SRGAP1: variants seen among roughly 807,000 people sequenced by gnomAD.
The protein encoded by SRGAP1 is SLIT-ROBO Rho GTPase-activating protein 1.
SRGAP1 carries 43 observed loss-of-function variants against 121.9 expected under a neutral mutation model. The observed-to-expected ratio is 0.35, with a 90% CI of 0.28 to 0.46. SRGAP1 has a LOEUF of 0.46. Among genes scored for constraint, SRGAP1 ranks in the 20% least tolerant of loss-of-function variants. The pLI, the probability that SRGAP1 is intolerant of heterozygous loss-of-function variation, is 1.00. For synonymous variants in SRGAP1, 447 were observed against 485.4 expected (o/e 0.92, Z 1.04); for missense variants, 1,102 against 1,350.9 (o/e 0.82, Z 2.89).
intron 1 of SRGAP1, among the ~76,000 whole-genome samples, chr12:63,868,035 CATATATAT>C (rs1555232932): frequency 2.4e-4 from 13 of 54,820 alleles, no homozygotes; most frequent in East Asian, 1.1e-3. Context: ...ATTCTATTTC[CATATATAT>C]ATATATATAT....
chr12:64,128,157 G>A lies in SRGAP1; in HGVS notation c.2837G>A (p.Gly946Asp), dbSNP rs199691520. Residue 946 changes from glycine (G) to aspartate (D), a missense_variant, in exon 21 of 22, where the codon GGC becomes GAC. By Grantham distance (94) the Gly-to-Asp change is moderately conservative. Coordinates refer to ENST00000355086, the MANE Select transcript of SRGAP1 (RefSeq NM_020762.4). ...RRSTSSGQYTGFNDHKPLDPE... is the reference protein window; with the variant it reads ...RRSTSSGQYTDFNDHKPLDPE... ...TCCACGTCATCAGGGCAATACACGG[G>A]CTTCAATGACCACAAGCCACTGGAC... 49 of 1,613,754 alleles carry A rather than the reference G, an allele frequency of 3.0e-5. No homozygotes were observed. Among genetic ancestry groups the A allele is most frequent in the African/African-American group, 6.7e-5 (5 of 74,930 alleles).
At chr12:63,982,158 C>A (rs1288263717) in intron 1 of SRGAP1, among the ~76,000 whole-genome samples, 1 of 151,780 alleles carries the variant, frequency 6.6e-6, no homozygotes, top group Non-Finnish European at 1.5e-5. Flanking sequence ...TTGCAGTGAG[C>A]CGAGATCGCG....
chr12:64,115,670 A>C (rs193103241), intron 17 of SRGAP1, 144 bp from the exon 18 acceptor site: 8 of 587,444 alleles, frequency 1.4e-5, no homozygotes, highest in Non-Finnish European at 2.1e-5. Context: ...CTGAGGTAGG[A>C]GGATCACTTG....
chr12:63,852,484 T>C (rs1899108462), intron 1 of SRGAP1, among the ~76,000 whole-genome samples: 1 of 152,210 alleles, frequency 6.6e-6, no homozygotes, highest in Non-Finnish European at 1.5e-5. Context: ...GGAAATAGAA[T>C]AGACAATGCA....
chr12:63,917,780 A>G (rs2030855175), intron 1 of SRGAP1, among the ~76,000 whole-genome samples: 1 of 150,456 alleles, frequency 6.6e-6, no homozygotes. Context: ...TCTTGTACAC[A>G]CCAATTTCCC....
At position 64,042,935 on chromosome 12, in the gene SRGAP1, G is replaced by A. The variant is rs773750433; in HGVS notation, c.635G>A (p.Arg212Gln). Reference sequence around the variant, plus strand: ...CGACTAGAGGAGAGACATCAACGGCGAAGCTCTGTAAAGAAAATTGAAAAA... The same window carrying A: ...CGACTAGAGGAGAGACATCAACGGCAAAGCTCTGTAAAGAAAATTGAAAAA... The part of the protein sequence containing the change: ...HIRLEERHQR[R>Q]SSVKKIEKMK... Residue 212 changes from arginine to glutamine, a missense_variant, in exon 5 of 22, where the codon CGA becomes CAA. Around this residue, in one of 3 missense-constraint regions of SRGAP1, gnomAD observed 747 missense variants for 929.4 expected, o/e 0.80. Coordinates refer to ENST00000355086, the MANE Select transcript of SRGAP1 (RefSeq NM_020762.4). 3.1e-6 allele frequency: 5 copies of A among 1,613,650 alleles called. No homozygotes were observed. The highest frequency in any genetic ancestry group is 4.2e-6 in the Non-Finnish European group (5 of 1,179,828).
intron 1 of SRGAP1, among the ~76,000 whole-genome samples, chr12:63,945,372 C>T (rs1032602927): frequency 1.3e-5 from 2 of 151,898 alleles, no homozygotes; most frequent in African/African-American, 2.4e-5. Context: ...CCCATCAACC[C>T]GTCATCTATG....
At position 64,060,205 on chromosome 12, in the gene SRGAP1, CT is replaced by C. The variant is rs58447783; in HGVS notation, c.802-2698del. On this transcript the variant is annotated intron_variant, in intron 6 of 21. Coordinates refer to ENST00000355086, the MANE Select transcript of SRGAP1 (RefSeq NM_020762.4). ...TCTTCCTTCCTTTCTTTCTTTTTTT[CT>C]TTTTTTTTTTTTTCCTTTGAGACAG... Among the ~76,000 whole-genome samples the C allele has an allele frequency of 6.4e-3, 782 of 121,338 alleles. 4 individuals are homozygous for C. The highest frequency in any genetic ancestry group is 0.018 in the African/African-American group (575 of 32,624). The allele number at this position is 121,338 out of a possible 152,430, so 79.6% of individuals were successfully genotyped here.
At chr12:63,891,084 G>A (rs929946374) in intron 1 of SRGAP1, among the ~76,000 whole-genome samples, 1 of 152,116 alleles carries the variant, frequency 6.6e-6, no homozygotes, top group African/African-American at 2.4e-5. Context: ...CTGGCCACCT[G>A]GCTGGATCTT....
chr12:63,857,088 CTTT>C (rs59666761), intron 1 of SRGAP1, among the ~76,000 whole-genome samples: 2 of 143,742 alleles, frequency 1.4e-5, no homozygotes, highest in African/African-American at 2.6e-5. Flanking sequence ...CAATTTACTG[CTTT>C]TTTTTTTTTT....
chr12:64,142,506 C>T lies in SRGAP1; in HGVS notation c.3092C>T (p.Ser1031Phe). The change falls in exon 22 of 22, where the codon TCC becomes TTC. Residue 1031 changes from serine to phenylalanine, a missense_variant. Around this residue, in one of 3 missense-constraint regions of SRGAP1, gnomAD observed 315 missense variants for 343.1 expected, o/e 0.92. Transcript: ENST00000355086. ...CAGATTCGACGTAGCACGAGCTCCT[C>T]CAGTGACACAATGAGTACTTTCAAG... ...EPQIRRSTSS[S>F]SDTMSTFKPM... The T allele has an allele frequency of 6.2e-7, 1 of 1,614,198 alleles. No individual in the cohort carries two copies. The highest frequency in any genetic ancestry group is 8.5e-7 in the Non-Finnish European group (1 of 1,180,040).
chr12:64,076,252 T>G (rs1359123456), intron 8 of SRGAP1, among the ~76,000 whole-genome samples: 1 of 152,184 alleles, frequency 6.6e-6, no homozygotes, highest in Non-Finnish European at 1.5e-5. Context: ...CCATGAGTGA[T>G]AGCCAGAAGA....
At chr12:63,986,114 C>T (rs2033406188) in intron 2 of SRGAP1, among the ~76,000 whole-genome samples, 1 of 151,892 alleles carries the variant, frequency 6.6e-6, no homozygotes, top group South Asian at 2.1e-4. Context: ...TCTCTCTTCT[C>T]TTTTTTCTTC....
chr12:63,916,176 G>A, intron 1 of SRGAP1, among the ~76,000 whole-genome samples: 1 of 151,704 alleles, frequency 6.6e-6, no homozygotes. Flanking sequence ...GGGACCACAA[G>A]GCATGTGCCA....
intron 3 of SRGAP1, among the ~76,000 whole-genome samples, chr12:64,002,011 A>T (rs1246925436): frequency 6.6e-6 from 1 of 152,192 alleles, no homozygotes. Flanking sequence ...AGAAGACCAG[A>T]TTTTTAAAAT....
intron 17 of SRGAP1, among the ~76,000 whole-genome samples, chr12:64,112,479 G>A (rs1310188525): frequency 6.6e-6 from 1 of 151,998 alleles, no homozygotes; most frequent in Non-Finnish European, 1.5e-5. Flanking sequence ...AGGTCATTTT[G>A]AGCAAATTTA....
intron 6 of SRGAP1, among the ~76,000 whole-genome samples, chr12:64,053,068 C>A (rs1174466336): frequency 6.6e-6 from 1 of 152,140 alleles, no homozygotes; most frequent in Non-Finnish European, 1.5e-5. Flanking sequence ...ACAGTCTGTT[C>A]TTGGAGGCAT....
chr12:64,025,470 A>T (rs2034633624), intron 4 of SRGAP1, among the ~76,000 whole-genome samples: 1 of 152,216 alleles, frequency 6.6e-6, no homozygotes, highest in Admixed American at 6.5e-5. Flanking sequence ...GCTCAAGGGC[A>T]TTTTAAGAAT....
At chr12:63,913,697 T>TG (rs889773382) in intron 1 of SRGAP1, among the ~76,000 whole-genome samples, 3 of 151,736 alleles carry the variant, frequency 2.0e-5, no homozygotes, top group African/African-American at 7.3e-5. Flanking sequence ...AATATTTTAT[T>TG]GCAATATTTG....
Sources: gnomAD v4.1 joint callset for allele counts (sites outside exome capture counted in the v4.1 genomes callset) on GRCh38, gnomAD v4.1.1 for gene constraint, gnomAD v4.1.1 regional missense constraint, MANE v1.5 for transcripts, NCBI Gene and HGNC (gene_info 2026-07-23, HGNC 2026-07-21) for gene names.